Variants in DHX35 observed in about 807,000 individuals in gnomAD.
The protein encoded by DHX35 is DEAH-box helicase 35, also known as probable ATP-dependent RNA helicase DHX35.
In DHX35, 84 loss-of-function variants were observed where a neutral mutation model predicts 99.6. The observed-to-expected ratio is 0.84, with a 90% confidence interval of 0.71 to 1.01. The LOEUF (loss-of-function observed/expected upper bound fraction) is 1.01, where lower values mean the gene tolerates loss of function less well. Among genes scored for constraint, DHX35 ranks in the 50% least tolerant of loss-of-function variants. The pLI is 0.00. For missense variants in DHX35, 852 were observed against 888.5 expected, an observed-to-expected ratio of 0.96 and a Z score of 0.52; for synonymous variants, 331 against 316.2, an observed-to-expected ratio of 1.05 and a Z score of -0.50.
chr20:38,962,468 G>T, intron 1 of DHX35, 61 bp downstream of exon 1: 2 of 1,580,026 alleles, frequency 1.3e-6, no homozygotes, highest in Non-Finnish European at 1.7e-6. Context: ...TTGGCGCCGC[G>T]GCCGGCGCCC....
At chr20:38,994,744 A>G in intron 7 of DHX35, 77 bp from the exon 8 acceptor site, 1 of 1,271,486 alleles carries the variant, frequency 7.9e-7, no homozygotes, top group Non-Finnish European at 1.1e-6. Flanking sequence ...AATTTTTGAA[A>G]TACATTTCAG....
In DHX35 at chr20:39,028,619, C is replaced by G. The variant is rs906803357; in HGVS notation, c.1883+120C>G. 17 of 1,127,608 alleles carry G rather than the reference C, an allele frequency of 1.5e-5. No homozygotes were observed. In the African/African-American group the frequency reaches 2.3e-4, roughly 15 times the overall value. 69.9% of individuals were successfully genotyped at this position (1,127,608 alleles called of 1,614,324 possible). On this transcript the variant is annotated intron_variant, in intron 19 of 21. Coordinates refer to ENST00000252011, the MANE Select transcript of DHX35 (RefSeq NM_021931.4). ...ATTATTTGTAATTTCTACCATGTCT[C>G]CTTCCAAAACTGAGTTGAGGTTAGC...
chr20:38,980,829 T>C (rs1291751192), intron 3 of DHX35, among the ~76,000 whole-genome samples: 2 of 152,200 alleles, frequency 1.3e-5, no homozygotes, highest in African/African-American at 4.8e-5. Flanking sequence ...ACTAAGGTTC[T>C]TTTTTAGTTC....
intron 8 of DHX35, among the ~76,000 whole-genome samples, chr20:38,999,824 A>G (rs151161935): frequency 1.8e-4 from 27 of 152,344 alleles, no homozygotes; most frequent in Admixed American, 7.2e-4. Context: ...GTCTGATAAT[A>G]TCATGCCCAT....
At chr20:39,037,585 G>C (rs1483356538) in intron 21 of DHX35, among the ~76,000 whole-genome samples, 1 of 152,288 alleles carries the variant, frequency 6.6e-6, no homozygotes, top group African/African-American at 2.4e-5. Flanking sequence ...CCATGTGGCT[G>C]TGCTAAGTAG....
At chr20:38,996,882 CTG>C (rs1210202849) in intron 8 of DHX35, among the ~76,000 whole-genome samples, 7 of 152,014 alleles carry the variant, frequency 4.6e-5, no homozygotes, top group Admixed American at 3.3e-4. Context: ...ATTTTGTGGA[CTG>C]TGGCTGACTT....
intron 10 of DHX35, among the ~76,000 whole-genome samples, chr20:39,003,505 T>TAAA (rs2086558182): frequency 6.6e-6 from 1 of 152,238 alleles, no homozygotes. Context: ...AACTCTTCCA[T>TAAA]TCATTGCAGA....
intron 3 of DHX35, among the ~76,000 whole-genome samples, chr20:38,980,790 G>A (rs914700908): frequency 6.6e-6 from 1 of 152,124 alleles, no homozygotes; most frequent in African/African-American, 2.4e-5. Flanking sequence ...TTAGACTATA[G>A]GCCTTATTTA....
intron 13 of DHX35, among the ~76,000 whole-genome samples, chr20:39,012,506 A>G (rs956870481): frequency 2.0e-5 from 3 of 152,114 alleles, no homozygotes; most frequent in African/African-American, 4.8e-5. Context: ...GCACGTTGAT[A>G]TAGCTATAAA....
At chr20:38,987,334 G>A (rs1042788752) in intron 4 of DHX35, among the ~76,000 whole-genome samples, 1 of 152,056 alleles carries the variant, frequency 6.6e-6, no homozygotes, top group Non-Finnish European at 1.5e-5. Flanking sequence ...CCACCTCCCC[G>A]GGTTCAAGTG....
Position 39,033,517 on chromosome 20 carries a change from T to C in DHX35, c.1956-689T>C, listed in dbSNP as rs184613627. On this transcript the variant is annotated intron_variant, in intron 20 of 21. Transcript: ENST00000252011. The stretch of plus-strand genomic sequence containing the variant: ...TTTCCTTTGATCAGCTGAGATTCAC[T>C]TACTGGTTTTTGAGGGGTGGGGAAC... Among the ~76,000 whole-genome samples the C allele has an allele frequency of 3.2e-4, 49 of 152,270 alleles. No individual in the cohort carries two copies. The East Asian group carries it at 8.5e-3, about 26-fold the overall frequency.
chr20:39,025,236 A>G lies in DHX35; in HGVS notation c.1678A>G (p.Lys560Glu), dbSNP rs1367845827. The change falls in exon 18 of 22, where the codon AAG becomes GAG. Residue 560 changes from lysine (K) to glutamate (E), a missense_variant. Coordinates refer to ENST00000252011, the MANE Select transcript of DHX35 (RefSeq NM_021931.4). The stretch of plus-strand genomic sequence containing the variant: ...TCTCTGGGTTGTTCTGTAGCACAAT[A>G]AGGACTCTAAATGGTGTCAGGAACA... ...NIYEAFIKHNKDSKWCQEHFL... is the reference protein window; with the variant it reads ...NIYEAFIKHNEDSKWCQEHFL... The G allele has an allele frequency of 6.2e-7, 1 of 1,611,824 alleles. No individual in the cohort carries two copies. Among genetic ancestry groups the G allele is most frequent in the Non-Finnish European group, 8.5e-7 (1 of 1,178,900 alleles).
At chr20:39,000,071 G>T (rs557501295) in intron 8 of DHX35, among the ~76,000 whole-genome samples, 1 of 152,308 alleles carries the variant, frequency 6.6e-6, no homozygotes, top group South Asian at 2.1e-4. Context: ...CCTTGCCTCT[G>T]TCCTCCCTTA....
Position 39,001,695 on chromosome 20 carries a change from T to C in DHX35, c.643-35T>C, listed in dbSNP as rs200399302. ...ATGAATCGCTACGAACCTTTTTTTC[T>C]AAGAGAAATGAAGAATTAATTTTTT... On this transcript the variant is annotated intron_variant, in intron 8 of 21. Coordinates refer to ENST00000252011, the MANE Select transcript of DHX35 (RefSeq NM_021931.4). 1.2e-5 allele frequency: 18 copies of C among 1,537,054 alleles called. No individual in the cohort carries two copies. In the African/African-American group the frequency reaches 2.3e-4, roughly 20 times the overall value.
chr20:39,024,169 C>T (rs184561685), intron 17 of DHX35, among the ~76,000 whole-genome samples: 166 of 152,174 alleles, frequency 1.1e-3, no homozygotes, highest in Non-Finnish European at 2.2e-3. Flanking sequence ...CAAAGCTGTC[C>T]CAGCTGCCAT....
intron 19 of DHX35, chr20:39,030,491 C>A: frequency 1.8e-6 from 1 of 558,318 alleles, no homozygotes; most frequent in Non-Finnish European, 3.2e-6. Flanking sequence ...TTGCTTTTCT[C>A]CTCTTCGCTT....
intron 14 of DHX35, among the ~76,000 whole-genome samples, chr20:39,015,856 C>T (rs187216780): frequency 5.1e-4 from 78 of 152,236 alleles, no homozygotes; most frequent in African/African-American, 1.6e-3. Context: ...TCTCTTTCCC[C>T]CTAGTCCCCC....
intron 21 of DHX35, among the ~76,000 whole-genome samples, chr20:39,037,518 C>A (rs1222961252): frequency 6.6e-6 from 1 of 152,148 alleles, no homozygotes; most frequent in Non-Finnish European, 1.5e-5. Context: ...TTCACGCCCT[C>A]CATTTTTTCA....
chr20:38,989,288 G>C lies in DHX35; in HGVS notation c.450+371G>C, dbSNP rs199935202. On this transcript the variant is annotated intron_variant, in intron 5 of 21. Coordinates refer to ENST00000252011, the MANE Select transcript of DHX35 (RefSeq NM_021931.4). ...AAGTTTTTTTTTTTTTTTTTTTTTT[G>C]TATTTTTAGTAGAGACGGGGTTTCA... is the stretch of plus-strand genomic sequence containing the variant. 1.3e-3 allele frequency among the ~76,000 whole-genome samples: 69 copies of C among 52,526 alleles called. 1 individual carries two copies. Among genetic ancestry groups the C allele is most frequent in the Non-Finnish European group, 2.2e-3 (54 of 25,082 alleles). 34.5% of individuals were successfully genotyped at this position (52,526 alleles called of 152,430 possible).
Sources: allele counts gnomAD v4.1 joint callset (sites outside exome capture counted in the v4.1 genomes callset), GRCh38; gene constraint gnomAD v4.1.1; transcripts MANE v1.5; gene names NCBI Gene and HGNC (gene_info 2026-07-23, HGNC 2026-07-21).